PCNT: variants seen among roughly 807,000 people sequenced by gnomAD.
PCNT encodes the protein pericentrin.
PCNT carries 319 observed loss-of-function variants against 380.4 expected under a neutral mutation model. The ratio of observed to expected loss-of-function variants is 0.84; its 90% CI spans 0.77 to 0.92. The LOEUF is 0.92. PCNT is among the 40% of genes least tolerant of loss of function. The probability of loss-of-function intolerance (pLI) is 0.00; values close to 1 mark genes in which losing one functional copy is unlikely to be tolerated. For missense variants in PCNT, 4,400 were observed against 4,255.3 expected (o/e 1.03, Z -0.95); for synonymous variants, 1,845 against 1,735.2 (o/e 1.06, Z -1.57).
chr21:46,329,408 G>A (rs1468972948), intron 2 of PCNT, among the ~76,000 whole-genome samples: 1 of 152,216 alleles, frequency 6.6e-6, no homozygotes, highest in African/African-American at 2.4e-5. Flanking sequence ...GAATAGAGTT[G>A]TTGGTTTTTT....
intron 15 of PCNT, among the ~76,000 whole-genome samples, chr21:46,370,059 C>T (rs1025944332): frequency 6.6e-6 from 1 of 152,320 alleles, no homozygotes; most frequent in East Asian, 1.9e-4. Flanking sequence ...GGTGCCTCCC[C>T]GGCTTCTCTG....
chr21:46,444,647 C>CT lies in PCNT; in HGVS notation c.9840-30dup, dbSNP rs3058084. 7.4e-3 allele frequency: 10,826 copies of CT among 1,468,190 alleles called. 2 individuals carry two copies. Among genetic ancestry groups the CT allele is most frequent in the South Asian group, 0.012 (1,032 of 83,794 alleles). The allele number at this position is 1,468,190 out of a possible 1,614,324, so 90.9% of individuals were successfully genotyped here. The stretch of plus-strand genomic sequence containing the variant: ...ATGGCTCCGTCTGTCAAACTCAACT[C>CT]TTTTTTTTTTTTTTTTTCTTCTCTT... On this transcript the variant is annotated intron_variant, in intron 45 of 46. Coordinates refer to ENST00000359568, the MANE Select transcript of PCNT (RefSeq NM_006031.6).
chr21:46,346,754 C>T lies in PCNT; in HGVS notation c.732C>T (p.Gly244=). ...AGLHQSQAVH[G]LELEALRLSL... ...TTTCTCCGCCGCAGGCCGTGCATGG[C>T]CTTGAGCTGGAGGCGCTGCGCCTGA... is the stretch of plus-strand genomic sequence containing the variant. The change falls in exon 5 of 47, where the codon GGC becomes GGT. Residue 244 remains glycine (G), a synonymous_variant. Transcript: ENST00000359568. 6.3e-7 allele frequency: 1 copy of T among 1,597,996 alleles called. No homozygotes were observed. The highest frequency in any genetic ancestry group is 8.5e-7 in the Non-Finnish European group (1 of 1,173,454).
In PCNT at chr21:46,363,883, C is replaced by T. The variant is rs137912192; in HGVS notation, c.2558C>T (p.Ala853Val). ...ACAGCCCAGGACGGGGAGCTTGCTG[C>T]GCTCCACGTGAAGGAAGACTGCGCC... ...PPTAQDGELA[A>V]LHVKEDCALQ... The change falls in exon 14 of 47, where the codon GCG becomes GTG. Residue 853 changes from alanine (A) to valine (V), a missense_variant. Transcript: ENST00000359568. The T allele has an allele frequency of 8.1e-5, 130 of 1,610,858 alleles. No homozygotes were observed. The highest frequency in any genetic ancestry group is 2.9e-4 in the East Asian group (13 of 44,874).
intron 3 of PCNT, among the ~76,000 whole-genome samples, chr21:46,335,868 T>G (rs1410173107): frequency 6.6e-6 from 1 of 152,014 alleles, no homozygotes; most frequent in African/African-American, 2.4e-5. Context: ...GTATTTTTAG[T>G]AGAGACAGGG....
Position 46,436,148 on chromosome 21 carries a change from G to T in PCNT, c.8996G>T (p.Arg2999Met). The change falls in exon 39 of 47, where the codon AGG becomes ATG. Residue 2999 changes from arginine (R) to methionine (M), a missense_variant and splice_region_variant. By Grantham distance (91) the Arg-to-Met change is moderately conservative. Transcript: ENST00000359568. ...AGCTTCACCAGCCAGGCCGTGGACA[G>T]GTGTGCACCCACGCCACCTGGCGCT... ...LTSFTSQAVD[R>M]TVNDWTSSNE... 2 of 1,606,580 alleles carry T rather than the reference G, an allele frequency of 1.2e-6. No individual in the cohort carries two copies. Among genetic ancestry groups the T allele is most frequent in the Middle Eastern group, 1.7e-4 (1 of 5,842 alleles).
Position 46,366,791 on chromosome 21 carries a change from G to T in PCNT, c.2817G>T (p.Gly939=), listed in dbSNP as rs1352580633. Residue 939 remains glycine (G), a synonymous_variant, in exon 15 of 47, where the codon GGG becomes GGT. Transcript: ENST00000359568. ...CAGCCTCCTTAGAGAGCAAGCAGGG[G>T]GCTCTGCTGGCTGCACGTGTGGCCG... The part of the protein sequence containing the change: ...ELTASLESKQ[G]ALLAARVAEL... 6.2e-7 allele frequency: 1 copy of T among 1,613,766 alleles called. No homozygotes were observed. Among genetic ancestry groups the T allele is most frequent in the Non-Finnish European group, 8.5e-7 (1 of 1,180,022 alleles).
At chr21:46,445,219 ATTC>A in intron 46 of PCNT, 62 bp from the exon 47 acceptor site, 1 of 1,123,016 alleles carries the variant, frequency 8.9e-7, no homozygotes, top group East Asian at 2.3e-5. Flanking sequence ...AAATTGTGGA[ATTC>A]TTTTCAAAAA....
chr21:46,346,317 GA>G, intron 4 of PCNT, 109 bp downstream of exon 4: 1 of 666,210 alleles, frequency 1.5e-6, no homozygotes, highest in South Asian at 1.5e-5. Flanking sequence ...TCCTTTCTCT[GA>G]GTTGTCTGTT....
At position 46,402,644 on chromosome 21, in the gene PCNT, G is replaced by A. The variant is rs560656085; in HGVS notation, c.5115+161G>A. On this transcript the variant is annotated intron_variant, in intron 27 of 46. Transcript: ENST00000359568. The stretch of plus-strand genomic sequence containing the variant: ...CAGAGAGCGCCCGATTCTGCCTGGG[G>A]ACATGTGCATGGAAGCAGCTTTCTA... 2.6e-5 allele frequency among the ~76,000 whole-genome samples: 4 copies of A among 152,322 alleles called. No homozygotes were observed. In the East Asian group the frequency reaches 7.7e-4, roughly 29 times the overall value.
intron 21 of PCNT, among the ~76,000 whole-genome samples, chr21:46,392,973 TGTGA>T (rs547014977): frequency 5.9e-5 from 9 of 152,376 alleles, no homozygotes; most frequent in African/African-American, 2.2e-4. Flanking sequence ...AAAGCCTGTC[TGTGA>T]GTATCTTCTT....
At chr21:46,428,980 C>T (rs1289868172) in intron 35 of PCNT, among the ~76,000 whole-genome samples, 2 of 152,156 alleles carry the variant, frequency 1.3e-5, no homozygotes, top group Non-Finnish European at 1.5e-5. Context: ...TGTTTCTTGC[C>T]CGTGTTCTCT....
intron 1 of PCNT, chr21:46,324,883 T>G: frequency 1.0e-6 from 1 of 985,460 alleles, no homozygotes; most frequent in South Asian, 4.7e-5. Context: ...CGCGCGTTTC[T>G]CGCGGCGTTG....
chr21:46,438,669 ATTTTT>A (rs34152810), intron 41 of PCNT, among the ~76,000 whole-genome samples: 1,328 of 127,572 alleles, frequency 0.01, 14 homozygotes, highest in Middle Eastern at 0.02. Context: ...GTGATTTATA[ATTTTT>A]TTTTTTTTTT....
At position 46,443,736 on chromosome 21, in the gene PCNT, T is replaced by C. The variant is rs578094510; in HGVS notation, c.9701-74T>C. On this transcript the variant is annotated intron_variant, in intron 44 of 46. Transcript: ENST00000359568. ...TTAAAAGCTTATACGTTTAAACTGT[T>C]GATAGATGGGCCTTTACTAAAATGC... The C allele has an allele frequency of 5.6e-6, 8 of 1,426,058 alleles. No individual in the cohort carries two copies. In the African/African-American group the frequency reaches 8.4e-5, roughly 15 times the overall value. The allele number at this position is 1,426,058 out of a possible 1,614,324, so 88.3% of individuals were successfully genotyped here.
intron 15 of PCNT, among the ~76,000 whole-genome samples, chr21:46,370,844 G>C (rs2085097758): frequency 6.6e-6 from 1 of 152,164 alleles, no homozygotes; most frequent in African/African-American, 2.4e-5. Flanking sequence ...GACCGTCCTG[G>C]CTAACACGGT....
chr21:46,379,356 A>C (rs1279866193), intron 15 of PCNT, among the ~76,000 whole-genome samples: 1 of 152,160 alleles, frequency 6.6e-6, no homozygotes, highest in Non-Finnish European at 1.5e-5. Context: ...AGCGGCACCC[A>C]TATACCTGCT....
intron 21 of PCNT, among the ~76,000 whole-genome samples, chr21:46,393,689 C>T (rs952846886): frequency 6.6e-6 from 1 of 152,212 alleles, no homozygotes; most frequent in Non-Finnish European, 1.5e-5. Context: ...CTGTGGCTAG[C>T]GCCCCCGTGT....
intron 12 of PCNT, 78 bp from the exon 13 acceptor site, chr21:46,356,895 CG>C (rs2084499629): frequency 8.3e-7 from 1 of 1,199,876 alleles, no homozygotes. Context: ...TATAGGTTGC[CG>C]TTCTGCCTGT....
Sources: allele counts gnomAD v4.1 joint callset (sites outside exome capture counted in the v4.1 genomes callset), GRCh38; gene constraint gnomAD v4.1.1; transcripts MANE v1.5; gene names NCBI Gene and HGNC (gene_info 2026-07-23, HGNC 2026-07-21).